The following TMEM232 variants were observed in gnomAD, a reference collection of about 807,000 sequenced individuals.
TMEM232 encodes the protein transmembrane protein 232.
TMEM232 carries 80 observed loss-of-function variants against 78.8 expected under a neutral mutation model. That is an observed-to-expected ratio of 1.01 (90% confidence interval 0.85 to 1.22). The LOEUF is 1.22. Ranked by LOEUF, TMEM232 falls within the 50% of genes most tolerant of loss-of-function variation. TMEM232 has a pLI of 0.00. For synonymous variants in TMEM232, 297 were observed against 254.3 expected (o/e 1.17, Z -1.60); for missense variants, 881 against 742.2 (o/e 1.19, Z -2.17).
chr5:110,613,178 G>A (rs191758223), intron 8 of TMEM232, among the ~76,000 whole-genome samples: 1 of 152,214 alleles, frequency 6.6e-6, no homozygotes, highest in East Asian at 1.9e-4. Flanking sequence ...TGCCTTCCTT[G>A]AGCCCTTTTG....
At chr5:110,587,687 A>ATGTG (rs1409871900) in intron 10 of TMEM232, among the ~76,000 whole-genome samples, 50 of 78,184 alleles carry the variant, frequency 6.4e-4, no homozygotes, top group East Asian at 2.2e-3. Context: ...ATATATATAT[A>ATGTG]TATATGTGTG....
intron 11 of TMEM232, among the ~76,000 whole-genome samples, chr5:110,545,069 A>C (rs1773609382): frequency 6.6e-6 from 1 of 152,186 alleles, no homozygotes; most frequent in Non-Finnish European, 1.5e-5. Flanking sequence ...TCACAAGGTT[A>C]TGGTAAAGAT....
chr5:110,415,957 A>G (rs927642444), downstream of TMEM232, among the ~76,000 whole-genome samples: 2 of 152,200 alleles, frequency 1.3e-5, no homozygotes, highest in African/African-American at 4.8e-5. Flanking sequence ...AATGTTTTGA[A>G]AAGACATTTT....
intron 11 of TMEM232, among the ~76,000 whole-genome samples, chr5:110,558,704 G>T (rs1040055373): frequency 1.3e-5 from 2 of 152,096 alleles, no homozygotes; most frequent in Non-Finnish European, 2.9e-5. Context: ...TGGAGGATGG[G>T]CATCCCTGGC....
intron 12 of TMEM232, among the ~76,000 whole-genome samples, chr5:110,447,322 G>C (rs1369151382): frequency 6.6e-6 from 1 of 152,028 alleles, no homozygotes; most frequent in Admixed American, 6.6e-5. Context: ...CAGCCACATT[G>C]CATAAAAGCC....
At chr5:110,645,751 G>T (rs979080998) in intron 2 of TMEM232, among the ~76,000 whole-genome samples, 1 of 151,348 alleles carries the variant, frequency 6.6e-6, no homozygotes, top group East Asian at 1.9e-4. Context: ...ATAAATAAAA[G>T]GCATCCAAAT....
intron 13 of TMEM232, among the ~76,000 whole-genome samples, chr5:110,423,464 AAATAT>A (rs1252999897): frequency 3.9e-5 from 6 of 152,222 alleles, no homozygotes; most frequent in African/African-American, 1.4e-4. Context: ...TGAAAAAAAT[AAATAT>A]AATATTTAGA....
At chr5:110,677,891 C>A (rs1379213107) in intron 1 of TMEM232, among the ~76,000 whole-genome samples, 4 of 151,994 alleles carry the variant, frequency 2.6e-5, no homozygotes, top group Admixed American at 2.6e-4. Flanking sequence ...AATACAGAAA[C>A]AGTGGAGAGA....
intron 5 of TMEM232, among the ~76,000 whole-genome samples, chr5:110,629,587 GCTCTCCCACATTTC>G (rs1299886591): frequency 6.6e-6 from 1 of 151,782 alleles, no homozygotes; most frequent in Non-Finnish European, 1.5e-5. Flanking sequence ...CTCTTTCTCA[GCTCTCCCACATTTC>G]CTTCATTCGA....
intron 12 of TMEM232, among the ~76,000 whole-genome samples, chr5:110,448,172 T>C (rs952988312): frequency 3.3e-5 from 5 of 152,060 alleles, no homozygotes; most frequent in Admixed American, 6.6e-5. Flanking sequence ...AAATCTGCCT[T>C]AGATCTCTCC....
At chr5:110,677,722 A>G (rs1459537623) in intron 1 of TMEM232, among the ~76,000 whole-genome samples, 1 of 152,156 alleles carries the variant, frequency 6.6e-6, no homozygotes, top group Non-Finnish European at 1.5e-5. Flanking sequence ...CTGCTGGTAA[A>G]ACGTTTGACA....
intron 11 of TMEM232, among the ~76,000 whole-genome samples, chr5:110,546,642 TA>T (rs1266153155): frequency 3.3e-5 from 5 of 152,142 alleles, no homozygotes; most frequent in African/African-American, 4.8e-5. Context: ...AAGAGTAGAA[TA>T]CGTATTTTCT....
At chr5:110,560,262 G>C (rs1202943509) in intron 11 of TMEM232, among the ~76,000 whole-genome samples, 1 of 151,940 alleles carries the variant, frequency 6.6e-6, no homozygotes, top group African/African-American at 2.4e-5. Context: ...CCCAATACTA[G>C]ATTGGACCAT....
chr5:110,546,785 T>C (rs906649328), intron 11 of TMEM232, among the ~76,000 whole-genome samples: 1 of 152,172 alleles, frequency 6.6e-6, no homozygotes, highest in Non-Finnish European at 1.5e-5. Context: ...AAAGGTTTTA[T>C]ATAGTTTATA....
At chr5:110,636,736 A>C (rs1196727544) in intron 5 of TMEM232, among the ~76,000 whole-genome samples, 4 of 152,000 alleles carry the variant, frequency 2.6e-5, no homozygotes, top group Non-Finnish European at 4.4e-5. Context: ...TGAAATCATG[A>C]ATAATCCTCT....
At chr5:110,491,756 G>C (rs988543051) in intron 12 of TMEM232, among the ~76,000 whole-genome samples, 1 of 151,524 alleles carries the variant, frequency 6.6e-6, no homozygotes, top group African/African-American at 2.4e-5. Context: ...TTAAAGACGA[G>C]GAATAAAATC....
At position 110,465,689 on chromosome 5, in the gene TMEM232, C is replaced by T. The variant is rs1044596487; in HGVS notation, c.1704-40773G>A. Reference sequence around the variant, plus strand: ...TAAATAAATGTGTCCAATGATATATCCTCAAATTCATTTATCATTGCTTTG... The same window carrying T: ...TAAATAAATGTGTCCAATGATATATTCTCAAATTCATTTATCATTGCTTTG... On this transcript the variant is annotated intron_variant, in intron 12 of 13. Transcript: ENST00000455884. Among the ~76,000 whole-genome samples, 42 of 152,046 alleles carry T rather than the reference C, an allele frequency of 2.8e-4. 1 individual carries two copies. The highest frequency in any genetic ancestry group is 2.8e-3 in the Admixed American group (42 of 15,250).
chr5:110,536,191 G>A (rs73783618), intron 11 of TMEM232, among the ~76,000 whole-genome samples: 4,429 of 152,270 alleles, frequency 0.029, 72 homozygotes, highest in African/African-American at 0.047. Flanking sequence ...GCAGGTTTCC[G>A]GCTGGGGCCA....
intron 11 of TMEM232, among the ~76,000 whole-genome samples, chr5:110,555,241 A>G (rs75622611): frequency 0.012 from 1,817 of 152,194 alleles, 33 homozygotes; most frequent in African/African-American, 0.041. Flanking sequence ...TGAAAAATTT[A>G]TTGATATCTG....
Sources: allele counts gnomAD v4.1 joint callset (sites outside exome capture counted in the v4.1 genomes callset), GRCh38; gene constraint gnomAD v4.1.1; transcripts MANE v1.5; gene names NCBI Gene and HGNC (gene_info 2026-07-23, HGNC 2026-07-21).